NUP210: variants seen among roughly 807,000 people sequenced by gnomAD.
NUP210 encodes nuclear pore membrane glycoprotein 210.
In NUP210, 151 loss-of-function variants were observed where a neutral mutation model predicts 196.0. That is an observed-to-expected ratio of 0.77 (90% CI 0.67 to 0.88). NUP210 has a LOEUF of 0.88. Among genes scored for constraint, NUP210 ranks in the 40% least tolerant of loss-of-function variants. NUP210 has a pLI of 0.00. For synonymous variants in NUP210, 1,070 were observed against 1,052.7 expected (o/e 1.02, Z -0.32); for missense variants, 2,314 against 2,493.7 (o/e 0.93, Z 1.53).
Position 13,379,725 on chromosome 3 carries a change from G to A in NUP210, c.818-4C>T. On this transcript the variant is annotated splice_region_variant and splice_polypyrimidine_tract_variant and intron_variant, in intron 6 of 39. Transcript: ENST00000254508. This position sits in a 1 kb window ranked among gnomAD's most constrained non-coding sequence, Gnocchi z 4.2. Reference sequence around the variant, plus strand: ...TGATCGGAAGGCATGGAGAGTTCTGGCCACCAAGAAACAAAAAATAACAGG... The same window carrying A: ...TGATCGGAAGGCATGGAGAGTTCTGACCACCAAGAAACAAAAAATAACAGG... The A allele has an allele frequency of 6.4e-7, 1 of 1,559,922 alleles. No homozygotes were observed. The highest frequency in any genetic ancestry group is 8.7e-7 in the Non-Finnish European group (1 of 1,153,416).
Position 13,388,462 on chromosome 3 carries a change from G to A in NUP210, c.534-9C>T. ...CCAAGAAAGTGAGGATTCTGGAAAA[G>A]GAGCACGTTGTCAAAGTTTGTTGAT... is the stretch of plus-strand genomic sequence containing the variant. On this transcript the variant is annotated splice_polypyrimidine_tract_variant and intron_variant, in intron 4 of 39. Transcript: ENST00000254508. 1 of 1,584,472 alleles carries A rather than the reference G, an allele frequency of 6.3e-7. No homozygotes were observed. The highest frequency in any genetic ancestry group is 1.2e-5 in the South Asian group (1 of 86,280).
intron 26 of NUP210, chr3:13,337,147 G>C (rs890551411): frequency 2.3e-6 from 1 of 430,812 alleles, no homozygotes; most frequent in Non-Finnish European, 4.3e-6. Context: ...ACCTCTCCAT[G>C]GCCAAGATAC....
intron 16 of NUP210, chr3:13,354,518 A>T: frequency 5.8e-6 from 1 of 171,842 alleles, no homozygotes; most frequent in Non-Finnish European, 1.3e-5. Context: ...GAAGCTGGGA[A>T]CCACCATCCT....
intron 1 of NUP210, among the ~76,000 whole-genome samples, chr3:13,413,586 A>G (rs1700249420): frequency 6.6e-6 from 1 of 152,156 alleles, no homozygotes; most frequent in Non-Finnish European, 1.5e-5. Flanking sequence ...TCCTGGGGGG[A>G]AGCTGCTACC....
chr3:13,382,153 C>T (rs891447538), intron 6 of NUP210, among the ~76,000 whole-genome samples: 2 of 152,192 alleles, frequency 1.3e-5, no homozygotes, highest in African/African-American at 4.8e-5. Flanking sequence ...CACTCAAGTT[C>T]TCTTCAGATA....
intron 11 of NUP210, among the ~76,000 whole-genome samples, chr3:13,374,364 A>G (rs1698832995): frequency 1.3e-5 from 2 of 152,160 alleles, no homozygotes; most frequent in African/African-American, 4.8e-5. Flanking sequence ...TCACACATAT[A>G]TACTCGCACC....
intron 33 of NUP210, among the ~76,000 whole-genome samples, chr3:13,324,772 A>C (rs970852235): frequency 1.3e-5 from 2 of 152,180 alleles, no homozygotes; most frequent in African/African-American, 2.4e-5. Flanking sequence ...CACTGTTTAA[A>C]AAACTCCACT....
intron 13 of NUP210, among the ~76,000 whole-genome samples, chr3:13,368,473 G>T (rs544341879): frequency 6.6e-6 from 1 of 152,190 alleles, no homozygotes; most frequent in Non-Finnish European, 1.5e-5. Context: ...GTATAGTTCA[G>T]TGGCATTAAG....
intron 20 of NUP210, among the ~76,000 whole-genome samples, chr3:13,349,072 C>A (rs1697871239): frequency 9.3e-6 from 1 of 107,088 alleles, no homozygotes; most frequent in Admixed American, 8.8e-5. Flanking sequence ...ATGAAACATA[C>A]ACACAGCCGT....
At chr3:13,407,252 T>G (rs1443228273) in intron 1 of NUP210, among the ~76,000 whole-genome samples, 1 of 152,190 alleles carries the variant, frequency 6.6e-6, no homozygotes, top group East Asian at 1.9e-4. Flanking sequence ...ACTTTGCTTT[T>G]TAAAGAAAGG....
At chr3:13,400,683 G>A (rs1351934729) in intron 1 of NUP210, among the ~76,000 whole-genome samples, 1 of 152,188 alleles carries the variant, frequency 6.6e-6, no homozygotes, top group Admixed American at 6.5e-5. Context: ...AGTGTACAGG[G>A]CCTCCAAAAG....
chr3:13,335,402 C>T, intron 28 of NUP210, 52 bp downstream of exon 28: 2 of 1,579,860 alleles, frequency 1.3e-6, no homozygotes, highest in Non-Finnish European at 1.7e-6. Context: ...GAAGATTGGG[C>T]AGCTGGCACT....
chr3:13,345,976 C>T (rs942667959), intron 20 of NUP210, among the ~76,000 whole-genome samples: 5 of 152,228 alleles, frequency 3.3e-5, no homozygotes, highest in South Asian at 4.1e-4. Flanking sequence ...CATAGTGCAC[C>T]GACTGCGGAG....
intron 25 of NUP210, 59 bp from the exon 26 acceptor site, chr3:13,337,976 G>A (rs1232077090): frequency 6.0e-6 from 9 of 1,508,122 alleles, no homozygotes; most frequent in Admixed American, 1.8e-5. Flanking sequence ...GGATGTTTCA[G>A]GAAGGGACCC....
At position 13,385,840 on chromosome 3, in the gene NUP210, A is replaced by G. The variant is rs886753695; in HGVS notation, c.817+435T>C. Reference sequence around the variant, plus strand: ...CAGAATGTGGTCTATCCATCCACACAATGGAGCACTATTCAGCCTTAAAAG... The same window carrying G: ...CAGAATGTGGTCTATCCATCCACACGATGGAGCACTATTCAGCCTTAAAAG... On this transcript the variant is annotated intron_variant, in intron 6 of 39. Transcript: ENST00000254508. Among the ~76,000 whole-genome samples, 4 of 152,254 alleles carry G rather than the reference A, an allele frequency of 2.6e-5. No homozygotes were observed. The East Asian group carries it at 5.8e-4, about 22-fold the overall frequency.
rs1395495308 is a variant in NUP210, at chr3:13,347,163, G to C, written c.2836-3860C>G. On this transcript the variant is annotated intron_variant, in intron 20 of 39. Coordinates refer to ENST00000254508, the MANE Select transcript of NUP210 (RefSeq NM_024923.4). This position sits in a 1 kb window ranked among gnomAD's most constrained non-coding sequence, Gnocchi z 4.7. The stretch of plus-strand genomic sequence containing the variant: ...GGAGAGAAGCAGCCGCAGCTCATAG[G>C]ACCCAGGAGATGGAGAGACACAGCT... 27 of 985,406 alleles carry C rather than the reference G, an allele frequency of 2.7e-5. No individual in the cohort carries two copies. The highest frequency in any genetic ancestry group is 3.3e-5 in the Non-Finnish European group (27 of 829,932). 61.0% of individuals were successfully genotyped at this position (985,406 alleles called of 1,614,324 possible).
At chr3:13,399,464 T>C (rs112681003) in intron 2 of NUP210, among the ~76,000 whole-genome samples, 2 of 152,184 alleles carry the variant, frequency 1.3e-5, no homozygotes, top group African/African-American at 4.8e-5. Context: ...TTGCTACCCA[T>C]TAAGAGTTAT....
intron 10 of NUP210, 83 bp from the exon 11 acceptor site, chr3:13,375,724 C>A: frequency 6.9e-7 from 1 of 1,457,776 alleles, no homozygotes; most frequent in Non-Finnish European, 9.4e-7. Flanking sequence ...CCCACCCCTC[C>A]CTGGGGATCG....
intron 13 of NUP210, among the ~76,000 whole-genome samples, chr3:13,368,870 T>C (rs1406560074): frequency 6.6e-6 from 1 of 152,224 alleles, no homozygotes; most frequent in Non-Finnish European, 1.5e-5. Flanking sequence ...TTGGCTATTG[T>C]GAATAACACT....
Sources: allele counts gnomAD v4.1 joint callset (sites outside exome capture counted in the v4.1 genomes callset), GRCh38; gene constraint gnomAD v4.1.1; non-coding constraint Gnocchi (gnomAD v3.1); transcripts MANE v1.5; gene names NCBI Gene and HGNC (gene_info 2026-07-23, HGNC 2026-07-21).